The following MARCHF8 variants were observed in gnomAD, a reference collection of about 807,000 sequenced individuals.
MARCHF8 encodes the protein membrane associated ring-CH-type finger 8.
MARCHF8 carries 40 observed loss-of-function variants against 51.6 expected under a neutral mutation model. The ratio of observed to expected loss-of-function variants is 0.77; its 90% CI spans 0.60 to 1.01. The LOEUF (loss-of-function observed/expected upper bound fraction) is 1.01, where lower values mean the gene tolerates loss of function less well. MARCHF8 is among the 50% of genes least tolerant of loss of function. MARCHF8 has a pLI of 0.00. For synonymous variants in MARCHF8, 263 were observed against 280.3 expected (o/e 0.94, Z 0.62); for missense variants, 685 against 708.6 (o/e 0.97, Z 0.38).
At chr10:45,537,748 G>T (rs546709902), upstream of MARCHF8, among the ~76,000 whole-genome samples, 1 of 152,092 alleles carries the variant, frequency 6.6e-6, no homozygotes, top group Non-Finnish European at 1.5e-5. Flanking sequence ...ATGCCCAGAG[G>T]AGATAAATCT....
At chr10:45,593,755 G>T (rs974586249) in intron 1 of MARCHF8, 1 of 152,248 alleles carries the variant, frequency 6.6e-6, no homozygotes. Flanking sequence ...AGGCCCCGAA[G>T]TATGGTATGT....
chr10:45,546,803 T>C (rs1332074009), intron 1 of MARCHF8, among the ~76,000 whole-genome samples: 1 of 150,916 alleles, frequency 6.6e-6, no homozygotes, highest in Non-Finnish European at 1.5e-5. Flanking sequence ...AAAAGTTAAC[T>C]ACCAGAAAAT....
intron 3 of MARCHF8, among the ~76,000 whole-genome samples, chr10:45,483,589 T>C (rs1011033202): frequency 1.3e-5 from 2 of 152,228 alleles, no homozygotes; most frequent in African/African-American, 4.8e-5. Flanking sequence ...GAAAACAAAT[T>C]AGTATTATCA....
intron 1 of MARCHF8, among the ~76,000 whole-genome samples, chr10:45,544,253 C>G (rs1454849333): frequency 6.6e-6 from 1 of 152,136 alleles, no homozygotes; most frequent in African/African-American, 2.4e-5. Flanking sequence ...AAAATTAGAT[C>G]TCTCATGTAT....
chr10:45,484,389 G>A (rs1043369843), intron 3 of MARCHF8, among the ~76,000 whole-genome samples: 7 of 152,202 alleles, frequency 4.6e-5, no homozygotes, highest in African/African-American at 1.4e-4. Flanking sequence ...GCGGTGAGGT[G>A]AAGGTCTGGG....
chr10:45,531,958 G>T (rs1036432041), intron 2 of MARCHF8, among the ~76,000 whole-genome samples: 1 of 152,138 alleles, frequency 6.6e-6, no homozygotes, highest in African/African-American at 2.4e-5. Context: ...TGAGACCCTA[G>T]AAACACAACC....
chr10:45,510,217 A>C (rs1337363351), intron 2 of MARCHF8, among the ~76,000 whole-genome samples: 3 of 152,168 alleles, frequency 2.0e-5, no homozygotes, highest in Admixed American at 6.5e-5. Context: ...GAAACTGCAC[A>C]CTGCGAGACC....
chr10:45,460,453 T>C (rs2132914070), intron 6 of MARCHF8, among the ~76,000 whole-genome samples: 1 of 152,364 alleles, frequency 6.6e-6, no homozygotes, highest in African/African-American at 2.4e-5. Flanking sequence ...TGAATGACTG[T>C]TATGCTCTAC....
At position 45,555,228 on chromosome 10, in the gene MARCHF8, C is replaced by T. The variant is rs140048856; in HGVS notation, c.-78-21939G>A. On this transcript the variant is annotated intron_variant, in intron 1 of 6. Coordinates refer to the MARCHF8 transcript ENST00000319836. ...TGGGCAACAAAAGCAACACTCTTGT[C>T]TCAAGAAAAAAAGAAGGGACAATTT... is the stretch of plus-strand genomic sequence containing the variant. Among the ~76,000 whole-genome samples, 8 of 151,766 alleles carry T rather than the reference C, an allele frequency of 5.3e-5. No individual in the cohort carries two copies. The East Asian group carries it at 1.2e-3, about 22-fold the overall frequency.
chr10:45,549,020 G>T (rs888031295), intron 1 of MARCHF8, among the ~76,000 whole-genome samples: 4 of 151,058 alleles, frequency 2.6e-5, no homozygotes, highest in African/African-American at 9.7e-5. Flanking sequence ...AGAAAGAAAA[G>T]AAATAGTCTA....
Position 45,500,516 on chromosome 10 carries a change from G to A in MARCHF8, c.103-11099C>T, listed in dbSNP as rs61854112. On this transcript the variant is annotated intron_variant, in intron 2 of 7. Coordinates refer to ENST00000453424, the MANE Select transcript of MARCHF8 (RefSeq NM_001282866.2). ...ACCTTATCTTGCTCCTGATCTTAGA[G>A]GAAAAATTTTCAGACTTTCGCCAAT... Among the ~76,000 whole-genome samples, 1,388 of 152,162 alleles carry A rather than the reference G, an allele frequency of 9.1e-3. 15 individuals are homozygous for A. Among genetic ancestry groups the A allele is most frequent in the Non-Finnish European group, 8.9e-3 (608 of 67,984 alleles).
chr10:45,570,644 C>T (rs1160844646), intron 1 of MARCHF8, among the ~76,000 whole-genome samples: 2 of 152,120 alleles, frequency 1.3e-5, no homozygotes, highest in South Asian at 2.1e-4. Flanking sequence ...AGAAATACTA[C>T]GCATAAATAT....
chr10:45,574,658 C>G (rs2044469590), intron 1 of MARCHF8, among the ~76,000 whole-genome samples: 1 of 152,198 alleles, frequency 6.6e-6, no homozygotes, highest in African/African-American at 2.4e-5. Flanking sequence ...TTTATCCAAA[C>G]AATTTGACCT....
At position 45,478,003 on chromosome 10, in the gene MARCHF8, A is replaced by G. The variant is rs543673911; in HGVS notation, c.153+11364T>C. Among the ~76,000 whole-genome samples, 3 of 152,330 alleles carry G rather than the reference A, an allele frequency of 2.0e-5. No homozygotes were observed. The South Asian group carries it at 6.2e-4, about 32-fold the overall frequency. On this transcript the variant is annotated intron_variant, in intron 3 of 7. Transcript: ENST00000453424. ...CAACACCCCACTCCCATCGTTAGAC[A>G]GATCATCTAGGCAGAAAATGAACAA...
At chr10:45,524,418 C>G (rs2043758022) in intron 2 of MARCHF8, among the ~76,000 whole-genome samples, 1 of 152,144 alleles carries the variant, frequency 6.6e-6, no homozygotes, top group Non-Finnish European at 1.5e-5. Context: ...GGAGCAAGAA[C>G]AGGTAAACAG....
intron 3 of MARCHF8, among the ~76,000 whole-genome samples, chr10:45,466,190 G>A (rs891336897): frequency 6.6e-6 from 1 of 152,124 alleles, no homozygotes; most frequent in Non-Finnish European, 1.5e-5. Context: ...ATACCACAGG[G>A]GAGCAGATTG....
chr10:45,511,296 C>G (rs539281859), intron 2 of MARCHF8, among the ~76,000 whole-genome samples: 1 of 152,204 alleles, frequency 6.6e-6, no homozygotes, highest in South Asian at 2.1e-4. Flanking sequence ...AATAAATACA[C>G]GAAAACCTTG....
intron 1 of MARCHF8, among the ~76,000 whole-genome samples, chr10:45,544,677 T>A (rs142682758): frequency 1.4e-3 from 208 of 152,294 alleles, no homozygotes; most frequent in African/African-American, 4.6e-3. Flanking sequence ...AGATCAGTGA[T>A]TGCCTCATGT....
intron 2 of MARCHF8, among the ~76,000 whole-genome samples, chr10:45,513,980 T>C (rs1046818355): frequency 6.6e-6 from 1 of 152,304 alleles, no homozygotes; most frequent in African/African-American, 2.4e-5. Flanking sequence ...GTTGTCTTTC[T>C]CAGGGTTTTT....
Sources: gnomAD v4.1 joint callset for allele counts (sites outside exome capture counted in the v4.1 genomes callset) on GRCh38, gnomAD v4.1.1 for gene constraint, MANE v1.5 for transcripts, NCBI Gene and HGNC (gene_info 2026-07-23, HGNC 2026-07-21) for gene names.